The following RRP15 variants were observed in gnomAD, a reference collection of about 807,000 sequenced individuals.
The protein encoded by RRP15 is ribosomal RNA processing 15 homolog.
A neutral mutation model predicts 27.1 loss-of-function variants in RRP15; 18 were observed. That is an observed-to-expected ratio of 0.66 (90% confidence interval 0.46 to 0.98). The LOEUF is 0.98. Among genes scored for constraint, RRP15 ranks in the 50% least tolerant of loss-of-function variants. The pLI is 0.00. For synonymous variants in RRP15, 107 were observed against 109.4 expected, an observed-to-expected ratio of 0.98 and a Z score of 0.14; for missense variants, 359 against 337.8, an observed-to-expected ratio of 1.06 and a Z score of -0.49.
chr1:218,310,771 C>T (rs905652096), intron 4 of RRP15, among the ~76,000 whole-genome samples: 15 of 150,136 alleles, frequency 1.0e-4, no homozygotes, highest in Non-Finnish European at 2.1e-4. Context: ...TTTTTTGAGA[C>T]AAAGTCTTGC....
At position 218,331,180 on chromosome 1, in the gene RRP15, T is replaced by G. The variant is rs971493579; in HGVS notation, c.*89T>G. On this transcript the variant is annotated 3_prime_UTR_variant, in exon 5 of 5. Coordinates refer to ENST00000366932, the MANE Select transcript of RRP15 (RefSeq NM_016052.4). The stretch of plus-strand genomic sequence containing the variant: ...TAGTTGGGGAATTATAAGGATACCA[T>G]TTGTAAGAAAGCCAAAAGACTTTTG... 6.2e-6 allele frequency: 8 copies of G among 1,282,716 alleles called. No individual in the cohort carries two copies. In the Admixed American group the frequency reaches 1.4e-4, roughly 22 times the overall value. The allele number at this position is 1,282,716 out of a possible 1,614,324, so 79.5% of individuals were successfully genotyped here.
At chr1:218,317,708 TC>T (rs1188714768) in intron 4 of RRP15, among the ~76,000 whole-genome samples, 1 of 151,088 alleles carries the variant, frequency 6.6e-6, no homozygotes, top group East Asian at 1.9e-4. Flanking sequence ...TTTAGAATCT[TC>T]CCCCATGCCC....
chr1:218,313,158 A>G (rs1656029245), intron 4 of RRP15, among the ~76,000 whole-genome samples: 1 of 152,180 alleles, frequency 6.6e-6, no homozygotes, highest in Non-Finnish European at 1.5e-5. Flanking sequence ...TTGGGGAATG[A>G]TTGAATCTGT....
chr1:218,328,212 C>T (rs1013533220), intron 4 of RRP15, among the ~76,000 whole-genome samples: 3 of 152,186 alleles, frequency 2.0e-5, no homozygotes, highest in Non-Finnish European at 4.4e-5. Context: ...TTGAGTAAAA[C>T]GTTGTACTTA....
rs796314953 is a variant in RRP15, at chr1:218,332,345, A to G, written c.*1254A>G. The G allele has an allele frequency of 2.6e-5, 4 of 152,328 alleles. No homozygotes were observed. The highest frequency in any genetic ancestry group is 9.6e-5 in the African/African-American group (4 of 41,582). The allele number at this position is 152,328 out of a possible 1,614,324, so 9.4% of individuals were successfully genotyped here. On this transcript the variant is annotated 3_prime_UTR_variant, in exon 5 of 5. Coordinates refer to ENST00000366932, the MANE Select transcript of RRP15 (RefSeq NM_016052.4). ...GTGACTTTTAGTATCCAGCTGTTAA[A>G]AAGAGGAAAGACTGTTTAATATCAT... is the stretch of plus-strand genomic sequence containing the variant.
chr1:218,294,187 G>C (rs746696999), intron 1 of RRP15, among the ~76,000 whole-genome samples: 2 of 152,108 alleles, frequency 1.3e-5, no homozygotes, highest in Non-Finnish European at 2.9e-5. Flanking sequence ...CATCACAGAA[G>C]ACTTCTGTGA....
Position 218,332,973 on chromosome 1 carries a change from G to T in RRP15, c.*1882G>T, listed in dbSNP as rs1166248176. The T allele has an allele frequency of 6.6e-6, 1 of 150,940 alleles. No homozygotes were observed. The highest frequency in any genetic ancestry group is 2.4e-5 in the African/African-American group (1 of 41,068). 9.4% of individuals were successfully genotyped at this position (150,940 alleles called of 1,614,324 possible). A position where few individuals can be genotyped will look rare whatever the true frequency, so the allele number is the denominator to read the frequency against. On this transcript the variant is annotated 3_prime_UTR_variant, in exon 5 of 5. Transcript: ENST00000366932. The stretch of plus-strand genomic sequence containing the variant: ...TGTTTCTGCGTTATACTAGAGTTTT[G>T]CAGGAATTTTTCTGAATAGTACATT...
chr1:218,289,464 T>C (rs1444354228), intron 1 of RRP15, among the ~76,000 whole-genome samples: 2 of 152,224 alleles, frequency 1.3e-5, no homozygotes, highest in Admixed American at 1.3e-4. Flanking sequence ...AGATCAGTGA[T>C]AACGATGTTG....
intron 4 of RRP15, among the ~76,000 whole-genome samples, chr1:218,308,274 G>A (rs1264908759): frequency 6.6e-6 from 1 of 151,616 alleles, no homozygotes; most frequent in African/African-American, 2.4e-5. Context: ...GTTTCACCAT[G>A]TTGACCAGGC....
intron 3 of RRP15, among the ~76,000 whole-genome samples, chr1:218,305,841 G>A (rs1655891204): frequency 6.6e-6 from 1 of 152,146 alleles, no homozygotes; most frequent in African/African-American, 2.4e-5. Context: ...ATAGCGTGGT[G>A]TGGTGAATAA....
At chr1:218,289,528 A>G (rs1217372285) in intron 1 of RRP15, among the ~76,000 whole-genome samples, 1 of 152,214 alleles carries the variant, frequency 6.6e-6, no homozygotes, top group African/African-American at 2.4e-5. Flanking sequence ...TTCTTTGCCA[A>G]AGCTGCTTCT....
At position 218,333,570 on chromosome 1, in the gene RRP15, C is replaced by T. The variant is rs1394507660; in HGVS notation, c.*2479C>T. ...GGAGTGCAGTGGTGCAATCTCAGCT[C>T]ACTGCAACCTCCACCTCCCAGGTTC... On this transcript the variant is annotated 3_prime_UTR_variant, in exon 5 of 5. Transcript: ENST00000366932. 1 of 152,442 alleles carries T rather than the reference C, an allele frequency of 6.6e-6. No individual in the cohort carries two copies. The highest frequency in any genetic ancestry group is 1.5e-5 in the Non-Finnish European group (1 of 68,252). The allele number at this position is 152,442 out of a possible 1,614,324, so 9.4% of individuals were successfully genotyped here.
intron 4 of RRP15, among the ~76,000 whole-genome samples, chr1:218,326,410 A>T (rs1013612405): frequency 1.3e-5 from 2 of 152,048 alleles, no homozygotes; most frequent in African/African-American, 4.8e-5. Flanking sequence ...TTTTCCCTAA[A>T]TTTTTTTCTC....
intron 1 of RRP15, among the ~76,000 whole-genome samples, chr1:218,292,358 C>T (rs1655658209): frequency 6.6e-6 from 1 of 152,184 alleles, no homozygotes; most frequent in Admixed American, 6.5e-5. Context: ...AGGGACACTG[C>T]ACAACCCGTC....
rs1656445130 is a variant in RRP15, at chr1:218,336,226, A to G, written c.*5135A>G. 1 of 152,334 alleles carries G rather than the reference A, an allele frequency of 6.6e-6. No individual in the cohort carries two copies. The highest frequency in any genetic ancestry group is 1.5e-5 in the Non-Finnish European group (1 of 68,020). The allele number at this position is 152,334 out of a possible 1,614,324, so 9.4% of individuals were successfully genotyped here. The stretch of plus-strand genomic sequence containing the variant: ...TATACTCAACATACTGCCAGAGCAA[A>G]TGTAGGTTGCAGATTCAGGCAAAAC... On this transcript the variant is annotated 3_prime_UTR_variant, in exon 5 of 5. Transcript: ENST00000366932.
intron 1 of RRP15, chr1:218,301,645 A>C (rs923601679): frequency 1.3e-5 from 2 of 152,152 alleles, no homozygotes; most frequent in African/African-American, 4.8e-5. Flanking sequence ...TGGTATTTTC[A>C]TTCAGTCACT....
chr1:218,306,651 G>A (rs1033870028), intron 3 of RRP15, among the ~76,000 whole-genome samples: 12 of 152,032 alleles, frequency 7.9e-5, no homozygotes, highest in African/African-American at 2.9e-4. Flanking sequence ...CTAAATCAAC[G>A]CTATCCAGGA....
chr1:218,312,117 C>T (rs1656003286), intron 4 of RRP15, among the ~76,000 whole-genome samples: 1 of 152,170 alleles, frequency 6.6e-6, no homozygotes, highest in African/African-American at 2.4e-5. Flanking sequence ...ATATGGGCAT[C>T]GGGCCTCCAC....
chr1:218,325,172 G>A lies in RRP15; in HGVS notation c.706-5776G>A, dbSNP rs529367173. Among the ~76,000 whole-genome samples, 6 of 152,304 alleles carry A rather than the reference G, an allele frequency of 3.9e-5. No homozygotes were observed. In the South Asian group the frequency reaches 1.2e-3, roughly 32 times the overall value. ...GTTAAAATAACATACAGTGACAGATGTCATGGTGATGACCGCTTTCAGCAT... is the reference window on the plus strand; with the variant it reads ...GTTAAAATAACATACAGTGACAGATATCATGGTGATGACCGCTTTCAGCAT... On this transcript the variant is annotated intron_variant, in intron 4 of 4. Coordinates refer to ENST00000366932, the MANE Select transcript of RRP15 (RefSeq NM_016052.4).
Sources: allele counts gnomAD v4.1 joint callset (sites outside exome capture counted in the v4.1 genomes callset), GRCh38; gene constraint gnomAD v4.1.1; transcripts MANE v1.5; gene names NCBI Gene and HGNC (gene_info 2026-07-23, HGNC 2026-07-21).